The following CNTN4 variants were observed in gnomAD, a reference collection of about 807,000 sequenced individuals.
CNTN4 encodes the protein contactin-4.
CNTN4 carries 77 observed loss-of-function variants against 122.5 expected under a neutral mutation model. The observed-to-expected ratio is 0.63, with a 90% CI of 0.52 to 0.76. The LOEUF is 0.76. CNTN4 is among the 30% of genes least tolerant of loss of function. The probability of loss-of-function intolerance (pLI) is 0.00; values close to 1 mark genes in which losing one functional copy is unlikely to be tolerated. For missense variants in CNTN4, 1,256 were observed against 1,259.1 expected, an observed-to-expected ratio of 1.00 and a Z score of 0.04; for synonymous variants, 512 against 447.0, an observed-to-expected ratio of 1.15 and a Z score of -1.83.
intron 6 of CNTN4, among the ~76,000 whole-genome samples, chr3:2,807,203 AG>A (rs1335964977): frequency 6.6e-6 from 1 of 152,332 alleles, no homozygotes; most frequent in East Asian, 1.9e-4. Flanking sequence ...AAGGGGCATG[AG>A]CAATGGCATT....
chr3:2,800,319 A>G (rs2092317360), intron 6 of CNTN4, among the ~76,000 whole-genome samples: 1 of 151,938 alleles, frequency 6.6e-6, no homozygotes, highest in African/African-American at 2.4e-5. Flanking sequence ...TTCTTCTCTC[A>G]AAATCTTAAT....
At chr3:2,535,181 T>C (rs994366972) in intron 3 of CNTN4, among the ~76,000 whole-genome samples, 15 of 152,136 alleles carry the variant, frequency 9.9e-5, no homozygotes, top group Non-Finnish European at 1.8e-4. Flanking sequence ...CTTTCAACCT[T>C]GTACTTCAAC....
chr3:2,503,457 T>A (rs563937663), intron 3 of CNTN4, among the ~76,000 whole-genome samples: 4 of 152,264 alleles, frequency 2.6e-5, no homozygotes, highest in South Asian at 2.1e-4. Flanking sequence ...ATTGAGTGCT[T>A]AGTGTGCCAG....
At chr3:2,390,215 A>AGT (rs142190283) in intron 3 of CNTN4, among the ~76,000 whole-genome samples, 30,078 of 144,656 alleles carry the variant, frequency 0.21, 3,038 homozygotes, top group Non-Finnish European at 0.24. Flanking sequence ...AGGAAAAAAG[A>AGT]GTGTGTGTGT....
intron 3 of CNTN4, among the ~76,000 whole-genome samples, chr3:2,471,199 G>A (rs1048216087): frequency 2.0e-5 from 3 of 152,184 alleles, no homozygotes; most frequent in African/African-American, 7.2e-5. Context: ...CTCAAACTAA[G>A]TCCCAGAGAG....
chr3:2,273,157 TTTC>T (rs1383700957), intron 2 of CNTN4, among the ~76,000 whole-genome samples: 1 of 152,226 alleles, frequency 6.6e-6, no homozygotes, highest in East Asian at 1.9e-4. Flanking sequence ...AGTACAAATT[TTTC>T]TTAAAAATGC....
intron 4 of CNTN4, among the ~76,000 whole-genome samples, chr3:2,722,195 C>G (rs17019396): frequency 0.14 from 21,872 of 152,198 alleles, 2,174 homozygotes; most frequent in East Asian, 0.4. Flanking sequence ...ATATACTTAA[C>G]TTCACAATAC....
intron 2 of CNTN4, among the ~76,000 whole-genome samples, chr3:2,328,094 A>G (rs2043535821): frequency 6.6e-6 from 1 of 152,196 alleles, no homozygotes; most frequent in Non-Finnish European, 1.5e-5. Context: ...TTTGTCTTCC[A>G]ATCATACTTC....
intron 14 of CNTN4, among the ~76,000 whole-genome samples, chr3:3,019,916 A>G (rs1404625723): frequency 2.6e-5 from 4 of 151,524 alleles, no homozygotes; most frequent in African/African-American, 9.7e-5. Flanking sequence ...AAGGTGAAAG[A>G]GTTCTTTGTA....
intron 2 of CNTN4, chr3:2,238,887 T>G (rs9878502): frequency 3.2e-5 from 2 of 61,836 alleles, no homozygotes; most frequent in Non-Finnish European, 7.3e-5. Flanking sequence ...CCACCACGCC[T>G]GGCTAATTTT....
chr3:2,479,539 C>G (rs1180502025), intron 3 of CNTN4, among the ~76,000 whole-genome samples: 1 of 152,130 alleles, frequency 6.6e-6, no homozygotes, highest in African/African-American at 2.4e-5. Flanking sequence ...CAGGGTATAA[C>G]CTTATAAGGG....
In CNTN4 at chr3:2,901,203, G is replaced by C. The variant is rs565864975; in HGVS notation, c.1077+382G>C. Among the ~76,000 whole-genome samples the C allele has an allele frequency of 5.9e-5, 9 of 152,332 alleles. No individual in the cohort carries two copies. In the South Asian group the frequency reaches 1.7e-3, roughly 28 times the overall value. ...ATCCATCTAAATAGAGAAACACTCT[G>C]ACAAAGAAATCTGAATGAAGCAGGG... On this transcript the variant is annotated intron_variant, in intron 11 of 24. Transcript: ENST00000418658.
At chr3:2,703,335 A>G (rs554625882) in intron 4 of CNTN4, among the ~76,000 whole-genome samples, 1 of 152,336 alleles carries the variant, frequency 6.6e-6, no homozygotes, top group Admixed American at 6.5e-5. Context: ...ATCACTGAAT[A>G]TAATAGCTTA....
chr3:2,971,368 C>CTA (rs537763062), intron 13 of CNTN4, among the ~76,000 whole-genome samples: 48 of 139,504 alleles, frequency 3.4e-4, no homozygotes, highest in South Asian at 2.5e-3. Context: ...ATCTATCTAT[C>CTA]TATATATATA....
At chr3:2,753,832 G>C (rs893395769) in intron 6 of CNTN4, among the ~76,000 whole-genome samples, 3 of 152,062 alleles carry the variant, frequency 2.0e-5, no homozygotes, top group African/African-American at 7.2e-5. Flanking sequence ...TCATACTGTT[G>C]ATTTACTGTG....
intron 2 of CNTN4, among the ~76,000 whole-genome samples, chr3:2,306,486 T>C (rs2042709779): frequency 6.6e-6 from 1 of 152,232 alleles, no homozygotes; most frequent in Non-Finnish European, 1.5e-5. Context: ...ATTTTTTAAC[T>C]GGGTCTTTTT....
intron 10 of CNTN4, among the ~76,000 whole-genome samples, chr3:2,897,016 C>T (rs2151098110): frequency 7.3e-6 from 1 of 137,270 alleles, no homozygotes; most frequent in Admixed American, 7.6e-5. Flanking sequence ...GCATTTCTTT[C>T]AGTTAGAAAT....
intron 14 of CNTN4, among the ~76,000 whole-genome samples, chr3:2,999,849 G>T (rs1695869679): frequency 2.0e-5 from 3 of 152,162 alleles, no homozygotes; most frequent in Admixed American, 1.3e-4. Flanking sequence ...ATGGGGGAAT[G>T]AAATCCCTAG....
At chr3:2,273,015 A>G (rs1466400893) in intron 2 of CNTN4, among the ~76,000 whole-genome samples, 1 of 152,182 alleles carries the variant, frequency 6.6e-6, no homozygotes, top group Non-Finnish European at 1.5e-5. Flanking sequence ...AAATATCAAC[A>G]TAGGATATAA....
Sources: allele counts gnomAD v4.1 joint callset (sites outside exome capture counted in the v4.1 genomes callset), GRCh38; gene constraint gnomAD v4.1.1; transcripts MANE v1.5; gene names NCBI Gene and HGNC (gene_info 2026-07-23, HGNC 2026-07-21).